SPHKAP: variants seen among roughly 807,000 people sequenced by gnomAD.
SPHKAP encodes the protein A-kinase anchor protein SPHKAP.
SPHKAP carries 67 observed loss-of-function variants against 137.5 expected under a neutral mutation model. That is an observed-to-expected ratio of 0.49 (90% confidence interval 0.40 to 0.60). The LOEUF is 0.60. SPHKAP is among the 20% of genes least tolerant of loss of function. The pLI is 0.00. For synonymous variants in SPHKAP, 813 were observed against 785.3 expected, an observed-to-expected ratio of 1.04 and a Z score of -0.59; for missense variants, 2,097 against 2,069.3, an observed-to-expected ratio of 1.01 and a Z score of -0.26.
chr2:228,154,190 G>A (rs1021501484), intron 1 of SPHKAP, among the ~76,000 whole-genome samples: 1 of 151,622 alleles, frequency 6.6e-6, no homozygotes, highest in Non-Finnish European at 1.5e-5. Context: ...CAGACAAAAT[G>A]CAAATCTTCA....
At chr2:228,115,049 G>C (rs1482045457) in intron 2 of SPHKAP, among the ~76,000 whole-genome samples, 1 of 152,138 alleles carries the variant, frequency 6.6e-6, no homozygotes, top group African/African-American at 2.4e-5. Flanking sequence ...GTGTTGTCTG[G>C]ATGTATCAGG....
chr2:228,075,520 T>A (rs1697152324), intron 3 of SPHKAP, among the ~76,000 whole-genome samples: 1 of 152,138 alleles, frequency 6.6e-6, no homozygotes, highest in African/African-American at 2.4e-5. Flanking sequence ...TAGTAGGTTG[T>A]AACAGGCTAC....
At chr2:228,159,613 T>C (rs2106411186) in intron 1 of SPHKAP, among the ~76,000 whole-genome samples, 1 of 152,152 alleles carries the variant, frequency 6.6e-6, no homozygotes, top group African/African-American at 2.4e-5. Flanking sequence ...TCACAAAAGG[T>C]TAAAGAAATA....
Position 228,158,326 on chromosome 2 carries a change from C to CTTTTTTTTT in SPHKAP, c.32+23232_32+23240dup, listed in dbSNP as rs55897294. On this transcript the variant is annotated intron_variant, in intron 1 of 11. Transcript: ENST00000392056. ...AATTGTAATTGTAATTTACTTCTTTCTTTTTTTTTTTTTTTTTAGCACAGT... is the reference window on the plus strand; with the variant it reads ...AATTGTAATTGTAATTTACTTCTTTCTTTTTTTTTTTTTTTTTTTTTTTTTTAGCACAGT... Among the ~76,000 whole-genome samples, 28 of 133,034 alleles carry CTTTTTTTTT rather than the reference C, an allele frequency of 2.1e-4. 1 individual carries two copies. The highest frequency in any genetic ancestry group is 7.1e-4 in the South Asian group (3 of 4,224). The allele number at this position is 133,034 out of a possible 152,430, so 87.3% of individuals were successfully genotyped here. A position where few individuals can be genotyped will look rare whatever the true frequency, so the allele number is the denominator to read the frequency against.
chr2:228,019,455 T>C lies in SPHKAP; in HGVS notation c.1399A>G (p.Ile467Val), dbSNP rs1465809896. The stretch of plus-strand genomic sequence containing the variant: ...ACTTCCATCTCAGGCCAGGAGGAGA[T>C]GCCTGGCTGTGGGGCAGCATCACTG... Reference protein sequence around the residue: ...DGSDAAPQPGISSWPEMEVSV... With the variant: ...DGSDAAPQPGVSSWPEMEVSV... The change falls in exon 7 of 12, where the codon ATC (isoleucine) becomes GTC (valine). Residue 467 changes from isoleucine to valine, a missense_variant. By Grantham distance (29) the Ile-to-Val change is conservative. Transcript: ENST00000392056. 5 of 1,614,126 alleles carry C rather than the reference T, an allele frequency of 3.1e-6. No individual in the cohort carries two copies. The highest frequency in any genetic ancestry group is 3.3e-5 in the Admixed American group (2 of 60,026).
At chr2:228,069,138 G>C (rs926001818) in intron 3 of SPHKAP, among the ~76,000 whole-genome samples, 5 of 152,124 alleles carry the variant, frequency 3.3e-5, no homozygotes, top group Non-Finnish European at 5.9e-5. Flanking sequence ...GTGGTGGCAG[G>C]TGCCTGTGAT....
intron 3 of SPHKAP, among the ~76,000 whole-genome samples, chr2:228,036,527 T>G (rs1357414370): frequency 6.6e-6 from 1 of 152,172 alleles, no homozygotes; most frequent in Non-Finnish European, 1.5e-5. Flanking sequence ...GCCATCCCAT[T>G]ACTGGGTATA....
At position 228,019,255 on chromosome 2, in the gene SPHKAP, A is replaced by G. The variant is rs1428695775; in HGVS notation, c.1599T>C (p.Ser533=). The G allele has an allele frequency of 6.2e-7, 1 of 1,613,798 alleles. No individual in the cohort carries two copies. The highest frequency in any genetic ancestry group is 8.5e-7 in the Non-Finnish European group (1 of 1,180,024). The part of the protein sequence containing the change: ...QVVSNFPPGS[S]GALQTQAPQG... ...GGGGTGCTTGAGTTTGCAGTGCACC[A>G]CTGCTCCCTGGGGGAAAGTTCGAGA... The change falls in exon 7 of 12, where the codon AGT becomes AGC. Residue 533 remains serine (S), a synonymous_variant. Coordinates refer to ENST00000392056, the MANE Select transcript of SPHKAP (RefSeq NM_001142644.2).
At chr2:228,114,271 C>T (rs1698633246) in intron 2 of SPHKAP, among the ~76,000 whole-genome samples, 2 of 152,124 alleles carry the variant, frequency 1.3e-5, no homozygotes. Flanking sequence ...TTTTGCTCTA[C>T]ATTACAGTTA....
chr2:228,077,877 A>G (rs1697234062), intron 3 of SPHKAP, among the ~76,000 whole-genome samples: 1 of 152,190 alleles, frequency 6.6e-6, no homozygotes, highest in Admixed American at 6.5e-5. Flanking sequence ...AACTCCTACA[A>G]TTCCCACGTG....
intron 3 of SPHKAP, among the ~76,000 whole-genome samples, chr2:228,034,075 A>G (rs957873982): frequency 3.9e-5 from 6 of 152,222 alleles, no homozygotes; most frequent in Non-Finnish European, 8.8e-5. Context: ...CCTTCAAAAA[A>G]TTAATGAATC....
At chr2:228,131,804 A>C in intron 2 of SPHKAP, 176 bp downstream of exon 2, 4 of 983,392 alleles carry the variant, frequency 4.1e-6, no homozygotes, top group Non-Finnish European at 4.8e-6. Flanking sequence ...TTTTCTCATC[A>C]TTTCCATGAA....
intron 3 of SPHKAP, among the ~76,000 whole-genome samples, chr2:228,072,450 G>T (rs1377082726): frequency 6.6e-6 from 1 of 151,986 alleles, no homozygotes; most frequent in Non-Finnish European, 1.5e-5. Flanking sequence ...AGCTACTTTT[G>T]CATGATGTGA....
Position 228,160,028 on chromosome 2 carries a change from C to A in SPHKAP, c.32+21539G>T, listed in dbSNP as rs573336486. ...CCTATCCTCAGCTGCCAAACAAGAT[C>A]TTTAACAGAAAAACCTCCATCACTT... On this transcript the variant is annotated intron_variant, in intron 1 of 11. Coordinates refer to ENST00000392056, the MANE Select transcript of SPHKAP (RefSeq NM_001142644.2). Among the ~76,000 whole-genome samples the A allele has an allele frequency of 5.9e-5, 9 of 152,294 alleles. No individual in the cohort carries two copies. In the East Asian group the frequency reaches 1.7e-3, roughly 29 times the overall value.
chr2:228,089,805 A>G (rs1190383659), intron 3 of SPHKAP, among the ~76,000 whole-genome samples: 1 of 152,200 alleles, frequency 6.6e-6, no homozygotes, highest in African/African-American at 2.4e-5. Context: ...AAGCCTTGGC[A>G]GCTTCCATGT....
At chr2:228,160,798 T>G (rs1025749410) in intron 1 of SPHKAP, among the ~76,000 whole-genome samples, 3 of 152,234 alleles carry the variant, frequency 2.0e-5, no homozygotes, top group Non-Finnish European at 4.4e-5. Context: ...TTTTCAGTGC[T>G]CTGAACTCAG....
chr2:228,158,367 C>T (rs533597396), intron 1 of SPHKAP, among the ~76,000 whole-genome samples: 2 of 135,516 alleles, frequency 1.5e-5, no homozygotes, highest in Admixed American at 8.0e-5. Flanking sequence ...TGATTTTACC[C>T]CTTACAATAG....
At position 228,017,977 on chromosome 2, in the gene SPHKAP, A is replaced by G; in HGVS notation, c.2877T>C (p.Phe959=). The change falls in exon 7 of 12, where the codon TTT becomes TTC. Residue 959 remains phenylalanine, a synonymous_variant. Transcript: ENST00000392056. ...LDNSSGKQPW[F]CAWKRGSEFL... The stretch of plus-strand genomic sequence containing the variant: ...ACTCACTCCCTCTTTTCCATGCACA[A>G]AACCAGGGTTGTTTTCCACTGGAGT... The G allele has an allele frequency of 1.9e-6, 3 of 1,614,098 alleles. No homozygotes were observed. Among genetic ancestry groups the G allele is most frequent in the Non-Finnish European group, 2.5e-6 (3 of 1,180,016 alleles).
rs141044381 is a variant in SPHKAP, at chr2:228,044,461, A to G, written c.247-16918T>C. Among the ~76,000 whole-genome samples the G allele has an allele frequency of 3.2e-4, 48 of 152,300 alleles. 1 individual carries two copies. Among genetic ancestry groups the G allele is most frequent in the African/African-American group, 1.1e-3 (44 of 41,568 alleles). On this transcript the variant is annotated intron_variant, in intron 3 of 11. Coordinates refer to ENST00000392056, the MANE Select transcript of SPHKAP (RefSeq NM_001142644.2). ...TCTATTTGGCCTGCTCCAGGTCTGC[A>G]TATGAAAACTTTAGCCCAAGGCATG...
Sources: allele counts gnomAD v4.1 joint callset (sites outside exome capture counted in the v4.1 genomes callset), GRCh38; gene constraint gnomAD v4.1.1; transcripts MANE v1.5; gene names NCBI Gene and HGNC (gene_info 2026-07-23, HGNC 2026-07-21).